UTRN: variants seen among roughly 807,000 people sequenced by gnomAD.
The protein encoded by UTRN is dystrophin-related protein 1.
Under a neutral mutation model 463.9 loss-of-function variants are expected in UTRN, and 283 were observed. The observed-to-expected ratio is 0.61, with a 90% CI of 0.55 to 0.67. The LOEUF is 0.67. Ranked by LOEUF, UTRN falls within the 30% of genes least tolerant of loss-of-function variation. The pLI is 0.00. For missense variants in UTRN, 3,922 were observed against 4,084.3 expected (o/e 0.96, Z 1.08); for synonymous variants, 1,442 against 1,431.5 (o/e 1.01, Z -0.17).
intron 51 of UTRN, among the ~76,000 whole-genome samples, chr6:144,593,181 A>G (rs1020553255): frequency 3.3e-5 from 5 of 152,202 alleles, no homozygotes; most frequent in African/African-American, 9.7e-5. Context: ...TCTTGGCGCA[A>G]TGAACAAAGA....
intron 2 of UTRN, among the ~76,000 whole-genome samples, chr6:144,350,422 T>C (rs1778013120): frequency 6.6e-6 from 1 of 152,214 alleles, no homozygotes; most frequent in Admixed American, 6.5e-5. Context: ...CTTTTCTTTT[T>C]TGAACCAAAA....
intron 71 of UTRN, among the ~76,000 whole-genome samples, chr6:144,838,557 G>T (rs1039958450): frequency 6.6e-6 from 1 of 152,122 alleles, no homozygotes; most frequent in African/African-American, 2.4e-5. Flanking sequence ...GTGCCTTTAC[G>T]AAGTATTTAC....
rs763853208 is a variant in UTRN at position 144,533,259 on chromosome 6, A to C, written c.6232A>C (p.Arg2078=). Residue 2078 remains arginine (R), a splice_region_variant and synonymous_variant, in exon 43 of 75, where the codon AGG becomes CGG. Transcript: ENST00000367545. ...TGCAGAAGTGAAGGATAGGCAGCCA[A>C]GGTGATTTAGCTATGATTGTTTGCA... is the stretch of plus-strand genomic sequence containing the variant. ...IVAEVKDRQP[R]LKGESKQVMK... 6.2e-7 allele frequency: 1 copy of C among 1,613,928 alleles called. No individual in the cohort carries two copies. Among genetic ancestry groups the C allele is most frequent in the Admixed American group, 1.7e-5 (1 of 60,018 alleles).
At chr6:144,407,102 A>G (rs538327625) in intron 3 of UTRN, among the ~76,000 whole-genome samples, 28 of 151,988 alleles carry the variant, frequency 1.8e-4, no homozygotes, top group African/African-American at 6.3e-4. Context: ...ATACTCTCAA[A>G]GTGTTATGAT....
intron 52 of UTRN, among the ~76,000 whole-genome samples, chr6:144,683,651 T>C (rs1047909214): frequency 1.3e-5 from 2 of 152,204 alleles, no homozygotes; most frequent in African/African-American, 4.8e-5. Context: ...CCATCACTTT[T>C]CTCTCTAAAT....
At chr6:144,772,749 A>G (rs1241396274) in intron 59 of UTRN, among the ~76,000 whole-genome samples, 1 of 152,226 alleles carries the variant, frequency 6.6e-6, no homozygotes, top group Non-Finnish European at 1.5e-5. Flanking sequence ...AAAATGCAAG[A>G]AAACACAGAC....
chr6:144,692,979 G>A (rs1263950209), intron 52 of UTRN, among the ~76,000 whole-genome samples: 1 of 150,978 alleles, frequency 6.6e-6, no homozygotes, highest in African/African-American at 2.4e-5. Flanking sequence ...TGTGTAGAAT[G>A]GTATTGCCTC....
intron 51 of UTRN, among the ~76,000 whole-genome samples, chr6:144,628,045 C>T (rs1359333892): frequency 2.6e-5 from 4 of 152,030 alleles, no homozygotes; most frequent in Admixed American, 2.6e-4. Flanking sequence ...GTGATCCACC[C>T]GCCTCGGCCT....
chr6:144,515,627 T>C (rs2128592637), intron 37 of UTRN, among the ~76,000 whole-genome samples: 1 of 152,358 alleles, frequency 6.6e-6, no homozygotes, highest in African/African-American at 2.4e-5. Flanking sequence ...AGGACCTTTA[T>C]GAGAGTGCTA....
rs1789544452 is a variant in UTRN at position 144,462,685 on chromosome 6, C to T, written c.2885C>T (p.Pro962Leu). ...GATGAAATCCTTGAGAATCAGAAAC[C>T]TGCATTACATAAACTTGCAGAAGAA... ...TLDEILENQK[P>L]ALHKLAEETK... The change falls in exon 23 of 75, where the codon CCT (proline) becomes CTT (leucine). Residue 962 changes from proline (P) to leucine (L), a missense_variant. Physicochemically the swap from Pro to Leu is moderately conservative, Grantham distance 98 (BLOSUM62 -3). Around this residue, in one of 3 missense-constraint regions of UTRN, gnomAD observed 2,349 missense variants for 2,303.8 expected, o/e 1.02. Coordinates refer to ENST00000367545, the MANE Select transcript of UTRN (RefSeq NM_007124.3). 6.2e-7 allele frequency: 1 copy of T among 1,602,332 alleles called. No homozygotes were observed. Among genetic ancestry groups the T allele is most frequent in the Non-Finnish European group, 8.5e-7 (1 of 1,177,478 alleles).
chr6:144,735,768 T>C (rs1048730664), intron 54 of UTRN, among the ~76,000 whole-genome samples: 16 of 152,150 alleles, frequency 1.1e-4, no homozygotes, highest in Non-Finnish European at 1.5e-5. Context: ...TTCTCAGTGG[T>C]CAGTCATTTA....
intron 48 of UTRN, among the ~76,000 whole-genome samples, chr6:144,553,072 C>G (rs1024545096): frequency 3.7e-4 from 57 of 152,170 alleles, no homozygotes; most frequent in African/African-American, 1.3e-3. Context: ...GAGTTTCACT[C>G]TTGTTGCCCA....
At chr6:144,725,848 G>A (rs1787817300) in intron 53 of UTRN, among the ~76,000 whole-genome samples, 1 of 152,200 alleles carries the variant, frequency 6.6e-6, no homozygotes. Flanking sequence ...ATTATCATAT[G>A]TATGCTGCTT....
intron 43 of UTRN, among the ~76,000 whole-genome samples, chr6:144,537,320 AC>A (rs1439247271): frequency 6.6e-6 from 1 of 152,014 alleles, no homozygotes; most frequent in Non-Finnish European, 1.5e-5. Context: ...TTTCTACATA[AC>A]TTTTTATGAT....
chr6:144,466,060 A>G (rs990434046), intron 23 of UTRN, among the ~76,000 whole-genome samples: 1 of 152,210 alleles, frequency 6.6e-6, no homozygotes, highest in African/African-American at 2.4e-5. Flanking sequence ...TTAACAGTGG[A>G]TCCTTGTACA....
chr6:144,541,541 A>G (rs1194492616), intron 45 of UTRN, among the ~76,000 whole-genome samples: 2 of 152,236 alleles, frequency 1.3e-5, no homozygotes, highest in Non-Finnish European at 2.9e-5. Flanking sequence ...AGAAAATCTC[A>G]ACAAACATAA....
chr6:144,762,527 C>T (rs1458847554), intron 58 of UTRN, among the ~76,000 whole-genome samples: 1 of 152,174 alleles, frequency 6.6e-6, no homozygotes, highest in Non-Finnish European at 1.5e-5. Context: ...TAGGCTTTTC[C>T]ATAGGCTAAT....
At chr6:144,464,692 GT>G (rs1396783394) in intron 23 of UTRN, among the ~76,000 whole-genome samples, 1 of 151,844 alleles carries the variant, frequency 6.6e-6, no homozygotes, top group African/African-American at 2.4e-5. Context: ...TAGAGATGAG[GT>G]TTTACCATGT....
At position 144,835,897 on chromosome 6, in the gene UTRN, A is replaced by G; in HGVS notation, c.9783A>G (p.Gly3261=). The G allele has an allele frequency of 6.2e-7, 1 of 1,614,148 alleles. No individual in the cohort carries two copies. The highest frequency in any genetic ancestry group is 1.7e-4 in the Middle Eastern group (1 of 6,060). Residue 3261 remains glycine, a synonymous_variant, in exon 70 of 75, where the codon GGA becomes GGG. Transcript: ENST00000367545. ...AGTCAGTAGAGAGGGAAGAACGTGGAGAACTGGAGAGGATCATTGCTGACC... is the reference window on the plus strand; with the variant it reads ...AGTCAGTAGAGAGGGAAGAACGTGGGGAACTGGAGAGGATCATTGCTGACC... The part of the protein sequence containing the change: ...ILKSVEREER[G]ELERIIADLE...
Sources: gnomAD v4.1 joint callset for allele counts (sites outside exome capture counted in the v4.1 genomes callset) on GRCh38, gnomAD v4.1.1 for gene constraint, gnomAD v4.1.1 regional missense constraint, MANE v1.5 for transcripts, NCBI Gene and HGNC (gene_info 2026-07-23, HGNC 2026-07-21) for gene names.